EIF3A: variants seen among roughly 807,000 people sequenced by gnomAD.
EIF3A encodes eukaryotic translation initiation factor 3 subunit A.
In EIF3A, 21 loss-of-function variants were observed where a neutral mutation model predicts 186.6. The ratio of observed to expected loss-of-function variants is 0.11; its 90% CI spans 0.08 to 0.16. The LOEUF is 0.16. Among genes scored for constraint, EIF3A ranks in the 10% least tolerant of loss-of-function variants. EIF3A has a pLI of 1.00. For synonymous variants in EIF3A, 563 were observed against 584.3 expected, an observed-to-expected ratio of 0.96 and a Z score of 0.52; for missense variants, 1,306 against 1,796.3, an observed-to-expected ratio of 0.73 and a Z score of 4.93.
intron 7 of EIF3A, among the ~76,000 whole-genome samples, chr10:119,064,321 TC>T (rs1843936448): frequency 1.3e-5 from 2 of 152,170 alleles, no homozygotes; most frequent in Non-Finnish European, 2.9e-5. Context: ...CCTTACCTTC[TC>T]CCCTAGTGAT....
At position 119,036,127 on chromosome 10, in the gene EIF3A, G is replaced by A. The variant is rs1405517537; in HGVS notation, c.4061C>T (p.Ala1354Val). 6.8e-6 allele frequency: 11 copies of A among 1,613,704 alleles called. No homozygotes were observed. The highest frequency in any genetic ancestry group is 2.2e-5 in the South Asian group (2 of 91,034). Reference sequence around the variant, plus strand: ...CCTATCTTTCTCAGCTCTCCATGAGGCCTTCTCTTTTTCACCTTCTCTTTC... The same window carrying A: ...CCTATCTTTCTCAGCTCTCCATGAGACCTTCTCTTTTTCACCTTCTCTTTC... ...DREREGEKEKASWRAEKDRES... is the reference protein window; with the variant it reads ...DREREGEKEKVSWRAEKDRES... The change falls in exon 22 of 22, where the codon GCC becomes GTC. Residue 1354 changes from alanine to valine, a missense_variant. Physicochemically the swap from Ala to Val is moderately conservative, Grantham distance 64 (BLOSUM62 0). Transcript: ENST00000369144.
intron 1 of EIF3A, chr10:119,080,263 C>T: frequency 7.2e-6 from 7 of 968,668 alleles, no homozygotes; most frequent in Non-Finnish European, 8.6e-6. Flanking sequence ...GCCGGGGACG[C>T]GGGCCCTAAG....
intron 14 of EIF3A, among the ~76,000 whole-genome samples, chr10:119,053,937 T>C (rs1046477391): frequency 2.6e-5 from 4 of 152,190 alleles, no homozygotes; most frequent in East Asian, 1.9e-4. Context: ...GATTGATTGA[T>C]TGAGACAGAG....
chr10:119,075,621 A>AAAAGG (rs5788327), intron 1 of EIF3A, among the ~76,000 whole-genome samples: 1 of 111,732 alleles, frequency 8.9e-6, no homozygotes, highest in East Asian at 2.8e-4. Context: ...AAAAAAAAAA[A>AAAAGG]GGGGGGGAGC....
At position 119,059,269 on chromosome 10, in the gene EIF3A, T is replaced by C; in HGVS notation, c.1572A>G (p.Thr524=). 1 of 1,614,230 alleles carries C rather than the reference T, an allele frequency of 6.2e-7. No homozygotes were observed. The highest frequency in any genetic ancestry group is 1.1e-5 in the South Asian group (1 of 91,086). The change falls in exon 11 of 22, where the codon ACA becomes ACG. Residue 524 remains threonine, a synonymous_variant. Coordinates refer to ENST00000369144, the MANE Select transcript of EIF3A (RefSeq NM_003750.4). ...MPSEQIRNQL[T]AMSSVLAKAL... ...CTTTTGCAAGTACTGAGGACATGGCTGTCAGCTGGTTTCTTATCTGCTCTG... is the reference window on the plus strand; with the variant it reads ...CTTTTGCAAGTACTGAGGACATGGCCGTCAGCTGGTTTCTTATCTGCTCTG...
At chr10:119,074,111 A>C (rs528364826) in intron 1 of EIF3A, among the ~76,000 whole-genome samples, 174 bp from the exon 2 acceptor site, 1 of 151,362 alleles carries the variant, frequency 6.6e-6, no homozygotes, top group Admixed American at 6.6e-5. Context: ...CAACAGAAAG[A>C]CCTGTACTGT....
At chr10:119,063,563 C>T (rs1843923767) in intron 7 of EIF3A, among the ~76,000 whole-genome samples, 1 of 152,096 alleles carries the variant, frequency 6.6e-6, no homozygotes, top group Admixed American at 6.5e-5. Context: ...ATTTAAATTC[C>T]GTTTTTGGTA....
intron 7 of EIF3A, among the ~76,000 whole-genome samples, chr10:119,064,413 A>G (rs1173438514): frequency 2.0e-5 from 3 of 152,072 alleles, no homozygotes; most frequent in African/African-American, 7.2e-5. Flanking sequence ...GTGGGAGGTG[A>G]CTAAATCATG....
intron 14 of EIF3A, among the ~76,000 whole-genome samples, chr10:119,052,552 T>C (rs1251441850): frequency 6.6e-6 from 1 of 152,090 alleles, no homozygotes; most frequent in Non-Finnish European, 1.5e-5. Flanking sequence ...TTTTCCTGTT[T>C]TTTTGTAGAG....
chr10:119,060,732 T>C lies in EIF3A; in HGVS notation c.1326+14A>G. ...CATAACATCACAAAACTTTTTTTAT[T>C]TTTTTATTTTTACCTGCTGCAGAAG... On this transcript the variant is annotated intron_variant, in intron 9 of 21. Coordinates refer to ENST00000369144, the MANE Select transcript of EIF3A (RefSeq NM_003750.4). 2 of 1,580,164 alleles carry C rather than the reference T, an allele frequency of 1.3e-6. No homozygotes were observed. The highest frequency in any genetic ancestry group is 1.7e-6 in the Non-Finnish European group (2 of 1,167,316).
In EIF3A at chr10:119,051,191, A is replaced by C. The variant is rs764154831; in HGVS notation, c.2319+8T>G. The C allele has an allele frequency of 3.1e-6, 5 of 1,594,028 alleles. No individual in the cohort carries two copies. The African/African-American group carries it at 6.8e-5, about 22-fold the overall frequency. ...GAATAAACATTTCCCAAAAATCAGCAAGCTCACCTCATAAACAGACTGCCG... is the reference window on the plus strand; with the variant it reads ...GAATAAACATTTCCCAAAAATCAGCCAGCTCACCTCATAAACAGACTGCCG... On this transcript the variant is annotated splice_region_variant and intron_variant, in intron 15 of 21. Coordinates refer to ENST00000369144, the MANE Select transcript of EIF3A (RefSeq NM_003750.4).
intron 4 of EIF3A, among the ~76,000 whole-genome samples, chr10:119,071,580 G>A (rs145115749): frequency 3.4e-4 from 51 of 152,136 alleles, no homozygotes; most frequent in African/African-American, 7.2e-4. Context: ...TTTTTTTACC[G>A]TCACATATGC....
Position 119,057,026 on chromosome 10 carries a change from C to T in EIF3A, c.1992G>A (p.Leu664=). Residue 664 remains leucine (L), a synonymous_variant, in exon 13 of 22, where the codon TTG becomes TTA. Transcript: ENST00000369144. ...GTTTAGCCATGATAAAATCTGGATC[C>T]AATTCCTCAAGGTCCTGAAAGGTAA... is the stretch of plus-strand genomic sequence containing the variant. The part of the protein sequence containing the change: ...KDIDIEDLEE[L]DPDFIMAKQV... 6.2e-7 allele frequency: 1 copy of T among 1,607,080 alleles called. No individual in the cohort carries two copies. The highest frequency in any genetic ancestry group is 1.7e-5 in the Admixed American group (1 of 59,096).
intron 17 of EIF3A, among the ~76,000 whole-genome samples, chr10:119,044,922 C>A (rs67487722): frequency 0.34 from 46,925 of 139,728 alleles, 8,385 homozygotes; most frequent in East Asian, 0.43. Flanking sequence ...ATAAGAGAAC[C>A]TTTATTTGAA....
At chr10:119,061,165 C>G (rs1381812420) in intron 8 of EIF3A, 59 bp downstream of exon 8, 18 of 955,602 alleles carry the variant, frequency 1.9e-5, no homozygotes, top group Non-Finnish European at 2.9e-5. Context: ...GAATACAACC[C>G]AAAACTGCAA....
intron 6 of EIF3A, among the ~76,000 whole-genome samples, chr10:119,068,096 G>A (rs1844008777): frequency 6.6e-6 from 1 of 152,122 alleles, no homozygotes; most frequent in South Asian, 2.1e-4. Context: ...ACAGACATGA[G>A]TCACTGCGCC....
In EIF3A at chr10:119,049,937, A is replaced by T; in HGVS notation, c.2522T>A (p.Leu841Gln). 4 of 1,614,032 alleles carry T rather than the reference A, an allele frequency of 2.5e-6. No individual in the cohort carries two copies. In the South Asian group the frequency reaches 4.4e-5, roughly 18 times the overall value. ...RAERAKREEE[L>Q]REYQERVKKL... Reference sequence around the variant, plus strand: ...CTTCACCCGCTCCTGATACTCTCGTAGCTCTTCCTCGCGTTTTGCTCGTTC... The same window carrying T: ...CTTCACCCGCTCCTGATACTCTCGTTGCTCTTCCTCGCGTTTTGCTCGTTC... Residue 841 changes from leucine (L) to glutamine (Q), a missense_variant, in exon 17 of 22, where the codon CTA becomes CAA. This residue lies in a region of EIF3A where 410 missense variants were observed against 473.5 expected (regional missense o/e 0.87). Transcript: ENST00000369144.
Position 119,033,928 on chromosome 10 carries a change from G to A in EIF3A, c.*2111C>T, listed in dbSNP as rs1053785026. 9 of 166,096 alleles carry A rather than the reference G, an allele frequency of 5.4e-5. No homozygotes were observed. The highest frequency in any genetic ancestry group is 2.2e-4 in the African/African-American group (9 of 41,132). The allele number at this position is 166,096 out of a possible 1,614,324, so 10.3% of individuals were successfully genotyped here. A position where few individuals can be genotyped will look rare whatever the true frequency, so the allele number is the denominator to read the frequency against. On this transcript the variant is annotated 3_prime_UTR_variant, in exon 22 of 22. Coordinates refer to ENST00000369144, the MANE Select transcript of EIF3A (RefSeq NM_003750.4). The stretch of plus-strand genomic sequence containing the variant: ...ACATAAAAACGTCCCACACGTTATA[G>A]ATGCCAGCCACCTCCTGGTAGTCAC...
intron 17 of EIF3A, among the ~76,000 whole-genome samples, chr10:119,044,866 G>T (rs1057475983): frequency 1.3e-5 from 2 of 151,668 alleles, no homozygotes; most frequent in Admixed American, 6.6e-5. Context: ...AAAAATAAAA[G>T]AATCTACAAA....
Sources: allele counts gnomAD v4.1 joint callset (sites outside exome capture counted in the v4.1 genomes callset), GRCh38; gene constraint gnomAD v4.1.1; regional missense constraint gnomAD v4.1.1; transcripts MANE v1.5; gene names NCBI Gene and HGNC (gene_info 2026-07-23, HGNC 2026-07-21).